Variants in GPR158 observed in about 807,000 individuals in gnomAD.
GPR158 encodes the protein G protein-coupled receptor 158, also known as metabotropic glycine receptor.
Under a neutral mutation model 78.2 loss-of-function variants are expected in GPR158, and 30 were observed. The observed-to-expected ratio is 0.38, with a 90% CI of 0.29 to 0.52. GPR158 has a LOEUF of 0.52. Among genes scored for constraint, GPR158 ranks in the 20% least tolerant of loss-of-function variants. GPR158 has a pLI of 0.83. For missense variants in GPR158, 1,463 were observed against 1,523.5 expected (o/e 0.96, Z 0.66); for synonymous variants, 581 against 591.1 (o/e 0.98, Z 0.25).
At chr10:25,204,574 G>A (rs1852988713) in intron 1 of GPR158, among the ~76,000 whole-genome samples, 1 of 152,088 alleles carries the variant, frequency 6.6e-6, no homozygotes, top group African/African-American at 2.4e-5. Context: ...TGTGTATGTT[G>A]AGCCAGGCTT....
At chr10:25,529,464 C>T (rs539391731) in intron 5 of GPR158, among the ~76,000 whole-genome samples, 1 of 152,230 alleles carries the variant, frequency 6.6e-6, no homozygotes, top group South Asian at 2.1e-4. Flanking sequence ...CATAGAAAGA[C>T]TTCTTATCAA....
chr10:25,175,390 C>T lies in GPR158; in HGVS notation c.-31C>T, dbSNP rs1852510341. The T allele has an allele frequency of 7.3e-7, 1 of 1,362,746 alleles. No individual in the cohort carries two copies. The highest frequency in any genetic ancestry group is 1.0e-6 in the Non-Finnish European group (1 of 995,352). The allele number at this position is 1,362,746 out of a possible 1,614,324, so 84.4% of individuals were successfully genotyped here. A position where few individuals can be genotyped will look rare whatever the true frequency, so the allele number is the denominator to read the frequency against. Reference sequence around the variant, plus strand: ...AATTTAAAAAGTGATTCCCCCCCCTCCCGTTCCCTCCTCTTCTCTCTGGGA... The same window carrying T: ...AATTTAAAAAGTGATTCCCCCCCCTTCCGTTCCCTCCTCTTCTCTCTGGGA... On this transcript the variant is annotated 5_prime_UTR_variant, in exon 1 of 11. Transcript: ENST00000376351. This position sits in a 1 kb window ranked among gnomAD's most constrained non-coding sequence, Gnocchi z 6.4.
At chr10:25,221,192 A>C in intron 2 of GPR158, 35 bp downstream of exon 2, 4 of 1,026,650 alleles carry the variant, frequency 3.9e-6, no homozygotes, top group Non-Finnish European at 6.1e-6. Flanking sequence ...CTTTAAGCTC[A>C]GGAATACATT....
intron 2 of GPR158, among the ~76,000 whole-genome samples, chr10:25,338,203 TATAA>T (rs1198492339): frequency 1.3e-5 from 2 of 151,196 alleles, no homozygotes; most frequent in African/African-American, 4.8e-5. Context: ...ACCCTAAGAT[TATAA>T]ATATAGTCTT....
At chr10:25,500,062 C>G (rs1015481698) in intron 5 of GPR158, among the ~76,000 whole-genome samples, 6 of 152,224 alleles carry the variant, frequency 3.9e-5, no homozygotes, top group Admixed American at 1.3e-4. Context: ...ATCCATTTGT[C>G]TCGTAAGATC....
intron 2 of GPR158, among the ~76,000 whole-genome samples, chr10:25,370,385 T>G (rs1343790656): frequency 1.8e-5 from 2 of 108,834 alleles, no homozygotes; most frequent in Non-Finnish European, 4.1e-5. Flanking sequence ...TCTCGTTGGT[T>G]TCAAAGAACA....
chr10:25,509,853 A>G (rs958511796), intron 5 of GPR158, among the ~76,000 whole-genome samples: 16 of 152,188 alleles, frequency 1.1e-4, no homozygotes, highest in African/African-American at 1.4e-4. Flanking sequence ...AGCTGGGACT[A>G]TAAGTGTGTG....
intron 2 of GPR158, among the ~76,000 whole-genome samples, chr10:25,316,793 G>A (rs1854857304): frequency 1.3e-5 from 2 of 151,608 alleles, no homozygotes; most frequent in South Asian, 2.1e-4. Flanking sequence ...CAGCATACTG[G>A]TATGTCTCAG....
At chr10:25,438,414 T>A (rs994312942) in intron 4 of GPR158, among the ~76,000 whole-genome samples, 1 of 152,264 alleles carries the variant, frequency 6.6e-6, no homozygotes, top group African/African-American at 2.4e-5. Context: ...TCTGATGAAC[T>A]GCAAATGTTT....
intron 2 of GPR158, among the ~76,000 whole-genome samples, chr10:25,290,903 C>T (rs1315612315): frequency 6.6e-6 from 1 of 151,652 alleles, no homozygotes. Flanking sequence ...AAGTACTGTA[C>T]ATTAAAAATA....
chr10:25,331,591 A>G (rs1290014459), intron 2 of GPR158, among the ~76,000 whole-genome samples: 1 of 152,212 alleles, frequency 6.6e-6, no homozygotes, highest in Non-Finnish European at 1.5e-5. Flanking sequence ...AGCACATTAC[A>G]GTGTGTAAGG....
At position 25,596,703 on chromosome 10, in the gene GPR158, C is replaced by T. The variant is rs938725470; in HGVS notation, c.2059C>T (p.Leu687=). The T allele has an allele frequency of 9.9e-6, 16 of 1,613,190 alleles. No homozygotes were observed. In the African/African-American group the frequency reaches 2.1e-4, roughly 22 times the overall value. ...TGCTACAGAAGCATATGAGGATGAGCTAGACATGGGCCGATCTGGATCCTA... is the reference window on the plus strand; with the variant it reads ...TGCTACAGAAGCATATGAGGATGAGTTAGACATGGGCCGATCTGGATCCTA... ...DIATEAYEDE[L]DMGRSGSYLN... The change falls in exon 10 of 11, where the codon CTA becomes TTA. Residue 687 remains leucine, a synonymous_variant. Transcript: ENST00000376351.
chr10:25,488,093 A>G (rs1835757799), intron 5 of GPR158, among the ~76,000 whole-genome samples: 1 of 152,150 alleles, frequency 6.6e-6, no homozygotes. Flanking sequence ...TTTCTCCCAT[A>G]AGAGAAGTAT....
chr10:25,247,562 G>C lies in GPR158; in HGVS notation c.1008+26405G>C, dbSNP rs865977627. On this transcript the variant is annotated intron_variant, in intron 2 of 10. Transcript: ENST00000376351. ...TTCCCACCTATGAGTGAGAATATGC[G>C]GTGTTTGGTTTTTTGTTCTTGCGAT... 3.2e-3 allele frequency among the ~76,000 whole-genome samples: 374 copies of C among 117,996 alleles called. 4 individuals carry two copies. Among genetic ancestry groups the C allele is most frequent in the African/African-American group, 0.012 (368 of 29,666 alleles). 77.4% of individuals were successfully genotyped at this position (117,996 alleles called of 152,430 possible). A position where few individuals can be genotyped will look rare whatever the true frequency, so the allele number is the denominator to read the frequency against.
At chr10:25,248,015 G>C (rs1853724437) in intron 2 of GPR158, among the ~76,000 whole-genome samples, 1 of 150,358 alleles carries the variant, frequency 6.7e-6, no homozygotes, top group Non-Finnish European at 1.5e-5. Flanking sequence ...ATTCTAACTG[G>C]TGTGAGATGG....
At chr10:25,263,588 T>A (rs1853998676) in intron 2 of GPR158, among the ~76,000 whole-genome samples, 1 of 152,194 alleles carries the variant, frequency 6.6e-6, no homozygotes, top group Non-Finnish European at 1.5e-5. Context: ...AAAAAAAATC[T>A]GCTGTGTGGT....
In GPR158 at chr10:25,176,094, G is replaced by A. The variant is rs1207795750; in HGVS notation, c.674G>A (p.Gly225Asp). 6.3e-7 allele frequency: 1 copy of A among 1,588,280 alleles called. No homozygotes were observed. The highest frequency in any genetic ancestry group is 8.6e-7 in the Non-Finnish European group (1 of 1,168,238). The change falls in exon 1 of 11, where the codon GGC becomes GAC. Residue 225 changes from glycine (G) to aspartate (D), a missense_variant. Transcript: ENST00000376351. This position sits in a 1 kb window ranked among gnomAD's most constrained non-coding sequence, Gnocchi z 6.3. Reference protein sequence around the residue: ...NATLETEWFHGLRRKWRPHLH... With the variant: ...NATLETEWFHDLRRKWRPHLH... ...ACTCTGGAGACCGAGTGGTTCCACG[G>A]CCTCCGGCGCAAGTGGAGGCCCCAC... is the stretch of plus-strand genomic sequence containing the variant.
chr10:25,594,007 C>A lies in GPR158; in HGVS notation c.1893-285C>A, dbSNP rs545506695. On this transcript the variant is annotated intron_variant, in intron 8 of 10. Coordinates refer to ENST00000376351, the MANE Select transcript of GPR158 (RefSeq NM_020752.3). Reference sequence around the variant, plus strand: ...TTGAATTTACATATATTTACCACTTCGATTTTTAGAGGCCACTTTACATAC... The same window carrying A: ...TTGAATTTACATATATTTACCACTTAGATTTTTAGAGGCCACTTTACATAC... Among the ~76,000 whole-genome samples, 176 of 152,004 alleles carry A rather than the reference C, an allele frequency of 1.2e-3. 2 individuals carry two copies. Among genetic ancestry groups the A allele is most frequent in the African/African-American group, 4.0e-3 (166 of 41,512 alleles).
intron 4 of GPR158, among the ~76,000 whole-genome samples, chr10:25,440,770 A>T (rs1445231503): frequency 6.6e-6 from 1 of 152,196 alleles, no homozygotes; most frequent in East Asian, 1.9e-4. Flanking sequence ...ATTTCTCCAT[A>T]AAGCATTCCT....
Sources: allele counts gnomAD v4.1 joint callset (sites outside exome capture counted in the v4.1 genomes callset), GRCh38; gene constraint gnomAD v4.1.1; non-coding constraint Gnocchi (gnomAD v3.1); transcripts MANE v1.5; gene names NCBI Gene and HGNC (gene_info 2026-07-23, HGNC 2026-07-21).